Variants in COL4A4 observed in about 807,000 individuals in gnomAD.
The protein encoded by COL4A4 is collagen type IV alpha 4 chain.
A neutral mutation model predicts 192.9 loss-of-function variants in COL4A4; 105 were observed. The ratio of observed to expected loss-of-function variants is 0.54; its 90% CI spans 0.46 to 0.64. The LOEUF is 0.64. Ranked by LOEUF, COL4A4 falls within the 30% of genes least tolerant of loss-of-function variation. The pLI is 0.00. For missense variants in COL4A4, 1,967 were observed against 2,169.3 expected, an observed-to-expected ratio of 0.91 and a Z score of 1.85; for synonymous variants, 762 against 769.9, an observed-to-expected ratio of 0.99 and a Z score of 0.17.
chr2:227,013,101 A>G (rs755172504), intron 44 of COL4A4, among the ~76,000 whole-genome samples: 15 of 152,192 alleles, frequency 9.9e-5, no homozygotes, highest in Non-Finnish European at 1.8e-4. Context: ...TTCTTTAAGT[A>G]TGCAGTTACT....
intron 7 of COL4A4, among the ~76,000 whole-genome samples, chr2:227,116,582 AGAAATGAAAATGGTAATGCTG>A (rs2061503215): frequency 6.6e-6 from 1 of 152,266 alleles, no homozygotes; most frequent in Admixed American, 6.5e-5. Flanking sequence ...AATGAAGCAA[AGAAATGAAAATGGTAATGCTG>A]GAAATGAAAT....
chr2:226,983,267 C>T, the COL4A4 span, among the ~76,000 whole-genome samples: 989 of 152,152 alleles, frequency 6.5e-3, 11 homozygotes, highest in African/African-American at 0.022. Flanking sequence ...ACCAAGCTCC[C>T]CGACGTGGAT....
chr2:227,009,184 A>G (rs1221603333), intron 46 of COL4A4, among the ~76,000 whole-genome samples: 1 of 152,358 alleles, frequency 6.6e-6, no homozygotes, highest in South Asian at 2.1e-4. Flanking sequence ...ATGTACAAGT[A>G]GTTGCCAGCC....
intron 27 of COL4A4, 22 bp from the exon 28 acceptor site, chr2:227,059,645 T>A (rs368467243): frequency 6.2e-5 from 95 of 1,539,480 alleles, no homozygotes; most frequent in African/African-American, 4.7e-4. Context: ...CAAAAAAAAA[T>A]TTTTAATGAT....
At chr2:226,975,057 T>G in the COL4A4 span, among the ~76,000 whole-genome samples, 1 of 152,230 alleles carries the variant, frequency 6.6e-6, no homozygotes, top group Non-Finnish European at 1.5e-5. Flanking sequence ...AAGGAAATTA[T>G]GTTTTTAAAA....
chr2:227,012,159 AGAG>A lies in COL4A4; in HGVS notation c.4333+19_4333+21del, dbSNP rs779691653. 3.9e-6 allele frequency: 6 copies of A among 1,549,746 alleles called. No individual in the cohort carries two copies. The African/African-American group carries it at 6.8e-5, about 17-fold the overall frequency. The stretch of plus-strand genomic sequence containing the variant: ...TCTAAGGTTTACAGTGTCAGAGAAA[AGAG>A]GAGTGACTGAAACTCTACCTGGTCC... On this transcript the variant is annotated intron_variant, in intron 45 of 47. Coordinates refer to ENST00000396625, the MANE Select transcript of COL4A4 (RefSeq NM_000092.5).
At chr2:226,969,005 T>G in the COL4A4 span, 4 of 202,728 alleles carry the variant, frequency 2.0e-5, no homozygotes, top group Non-Finnish European at 2.1e-5. Flanking sequence ...GTCCAAGGTA[T>G]GGACCAGTCA....
intron 46 of COL4A4, among the ~76,000 whole-genome samples, chr2:227,009,195 C>G (rs1962922987): frequency 6.6e-6 from 1 of 152,214 alleles, no homozygotes; most frequent in African/African-American, 2.4e-5. Context: ...GTTGCCAGCC[C>G]AGGCTTGCAC....
intron 25 of COL4A4, among the ~76,000 whole-genome samples, chr2:227,070,838 C>T (rs2058677555): frequency 6.6e-6 from 1 of 151,412 alleles, no homozygotes; most frequent in African/African-American, 2.4e-5. Context: ...AACTAACCTG[C>T]ACATTGTGCA....
intron 13 of COL4A4, 85 bp downstream of exon 13, chr2:227,103,887 C>T: frequency 1.0e-6 from 1 of 978,800 alleles, no homozygotes; most frequent in Non-Finnish European, 1.6e-6. Context: ...CATAGAAAGA[C>T]CTCTATACTT....
Position 227,008,416 on chromosome 2 carries a change from C to A in COL4A4, c.4523-112G>T. ...GATACGTGTTCTGAAATCTGGAGGC[C>A]CTCGCCAAAGCCTGCTTCTGTGGTG... On this transcript the variant is annotated intron_variant, in intron 46 of 47. Coordinates refer to ENST00000396625, the MANE Select transcript of COL4A4 (RefSeq NM_000092.5). 2.4e-6 allele frequency: 3 copies of A among 1,243,062 alleles called. No homozygotes were observed. In the South Asian group the frequency reaches 3.9e-5, roughly 16 times the overall value. 77.0% of individuals were successfully genotyped at this position (1,243,062 alleles called of 1,614,324 possible).
intron 25 of COL4A4, among the ~76,000 whole-genome samples, chr2:227,070,258 T>G (rs1269450501): frequency 6.6e-6 from 1 of 151,706 alleles, no homozygotes; most frequent in Non-Finnish European, 1.5e-5. Flanking sequence ...GGAACACTTT[T>G]ACACTGTTGG....
the COL4A4 span, among the ~76,000 whole-genome samples, chr2:226,975,378 T>C: frequency 1.3e-5 from 2 of 152,162 alleles, no homozygotes; most frequent in African/African-American, 2.4e-5. Context: ...TAGACCTCAA[T>C]AAAGCTGGAG....
At chr2:227,048,016 T>C (rs938199667) in intron 34 of COL4A4, among the ~76,000 whole-genome samples, 2 of 152,144 alleles carry the variant, frequency 1.3e-5, no homozygotes, top group African/African-American at 2.4e-5. Flanking sequence ...GCATACTGCA[T>C]TGATGACAAG....
rs1433184909 is a variant in COL4A4 at position 227,025,609 on chromosome 2, G to C, written c.4090+193C>G. Among the ~76,000 whole-genome samples the C allele has an allele frequency of 2.6e-5, 4 of 152,266 alleles. No homozygotes were observed. The East Asian group carries it at 7.7e-4, about 29-fold the overall frequency. ...TTGACAACCTATAATGAGGCTGAAT[G>C]TTAGGATGCTCTAATATGAGGTTAC... On this transcript the variant is annotated intron_variant, in intron 43 of 47. Coordinates refer to ENST00000396625, the MANE Select transcript of COL4A4 (RefSeq NM_000092.5).
rs1207760811 is a variant in COL4A4, at chr2:227,123,561, G to C, written c.193-2413C>G. Among the ~76,000 whole-genome samples the C allele has an allele frequency of 6.6e-6, 1 of 152,212 alleles. No homozygotes were observed. The highest frequency in any genetic ancestry group is 1.5e-5 in the Non-Finnish European group (1 of 68,036). ...GGCACCTGGGACTTAACCCTGAGGGGAGCCCACATCTCAGTGTTATCCCGC... is the reference window on the plus strand; with the variant it reads ...GGCACCTGGGACTTAACCCTGAGGGCAGCCCACATCTCAGTGTTATCCCGC... On this transcript the variant is annotated intron_variant, in intron 4 of 47. Transcript: ENST00000396625. The surrounding 1 kb of genome is among the most constrained non-coding windows in gnomAD (Gnocchi z 4.6).
At position 227,004,093 on chromosome 2, in the gene COL4A4, G is replaced by T; in HGVS notation, c.*3232C>A. 6.6e-6 allele frequency: 1 copy of T among 152,354 alleles called. No individual in the cohort carries two copies. 9.4% of individuals were successfully genotyped at this position (152,354 alleles called of 1,614,324 possible). On this transcript the variant is annotated 3_prime_UTR_variant, in exon 48 of 48. Coordinates refer to ENST00000396625, the MANE Select transcript of COL4A4 (RefSeq NM_000092.5). Reference sequence around the variant, plus strand: ...AATTGGCAGTAATGTGTTCAACTCTGTGCTAGGCATTAGGCATACAAAAAC... The same window carrying T: ...AATTGGCAGTAATGTGTTCAACTCTTTGCTAGGCATTAGGCATACAAAAAC...
At chr2:227,111,748 A>G in intron 8 of COL4A4, 35 bp from the exon 9 acceptor site, 3 of 1,602,346 alleles carry the variant, frequency 1.9e-6, no homozygotes, top group Non-Finnish European at 2.6e-6. Context: ...TTAAGTCCAC[A>G]CAATGTTCCT....
chr2:226,986,120 A>G, the COL4A4 span, among the ~76,000 whole-genome samples: 3 of 152,210 alleles, frequency 2.0e-5, no homozygotes, highest in Non-Finnish European at 4.4e-5. Flanking sequence ...TAGCAGACAA[A>G]CCAGACCGAA....
Sources: gnomAD v4.1 joint callset for allele counts (sites outside exome capture counted in the v4.1 genomes callset) on GRCh38, gnomAD v4.1.1 for gene constraint, Gnocchi (gnomAD v3.1) non-coding constraint, MANE v1.5 for transcripts, NCBI Gene and HGNC (gene_info 2026-07-23, HGNC 2026-07-21) for gene names.